PARD3B: variants seen among roughly 807,000 people sequenced by gnomAD.
PARD3B encodes the protein par-3 family cell polarity regulator beta, also known as partitioning defective 3 homolog B.
A neutral mutation model predicts 130.2 loss-of-function variants in PARD3B; 103 were observed. The observed-to-expected ratio is 0.79, with a 90% CI of 0.67 to 0.93. The LOEUF (loss-of-function observed/expected upper bound fraction) is 0.93. Among genes scored for constraint, PARD3B ranks in the 40% least tolerant of loss-of-function variants. PARD3B has a pLI of 0.00. For missense variants in PARD3B, 1,609 were observed against 1,499.2 expected (o/e 1.07, Z -1.21); for synonymous variants, 583 against 553.2 (o/e 1.05, Z -0.76).
At chr2:204,867,666 T>C (rs965641214) in intron 2 of PARD3B, among the ~76,000 whole-genome samples, 1 of 152,206 alleles carries the variant, frequency 6.6e-6, no homozygotes. Context: ...TGAAATTTGA[T>C]AACAGTAGTG....
chr2:205,466,422 C>T (rs1203078511), intron 20 of PARD3B, among the ~76,000 whole-genome samples: 4 of 152,106 alleles, frequency 2.6e-5, no homozygotes, highest in Non-Finnish European at 4.4e-5. Flanking sequence ...CTGCTGTCTG[C>T]ATTAGTGTCC....
chr2:204,711,390 A>G lies in PARD3B; in HGVS notation c.222+25108A>G, dbSNP rs970601149. ...TATATGTAAATTACATATTAAATGTATGAACAGATAATAAAGTTTTTCTAA... is the reference window on the plus strand; with the variant it reads ...TATATGTAAATTACATATTAAATGTGTGAACAGATAATAAAGTTTTTCTAA... On this transcript the variant is annotated intron_variant, in intron 2 of 22. Transcript: ENST00000406610. 4.7e-4 allele frequency among the ~76,000 whole-genome samples: 72 copies of G among 152,306 alleles called. 1 individual carries two copies. Among genetic ancestry groups the G allele is most frequent in the African/African-American group, 1.7e-3 (71 of 41,578 alleles).
In PARD3B at chr2:204,610,754, C is replaced by T. The variant is rs2033891753; in HGVS notation, c.120+64635C>T. Among the ~76,000 whole-genome samples, 1 of 152,184 alleles carries T rather than the reference C, an allele frequency of 6.6e-6. No individual in the cohort carries two copies. The highest frequency in any genetic ancestry group is 1.5e-5 in the Non-Finnish European group (1 of 68,034). Reference sequence around the variant, plus strand: ...AGAAGGAGAAACATCATCTCCCCACCTCTGAGCACCCTAAGAACAAATACA... The same window carrying T: ...AGAAGGAGAAACATCATCTCCCCACTTCTGAGCACCCTAAGAACAAATACA... On this transcript the variant is annotated intron_variant, in intron 1 of 22. Coordinates refer to ENST00000406610, the MANE Select transcript of PARD3B (RefSeq NM_001302769.2). This position sits in a 1 kb window ranked among gnomAD's most constrained non-coding sequence, Gnocchi z 4.1.
At chr2:205,296,506 G>C (rs371196495) in intron 16 of PARD3B, among the ~76,000 whole-genome samples, 1 of 152,070 alleles carries the variant, frequency 6.6e-6, no homozygotes, top group Non-Finnish European at 1.5e-5. Flanking sequence ...CTGGGGCAGC[G>C]GTTTCTCAGC....
intron 21 of PARD3B, among the ~76,000 whole-genome samples, chr2:205,541,347 GT>G (rs34760169): frequency 0.24 from 29,076 of 121,618 alleles, 2,475 homozygotes; most frequent in Admixed American, 0.37. Flanking sequence ...CAGAAACTTT[GT>G]TTTTTTTTTT....
intron 2 of PARD3B, among the ~76,000 whole-genome samples, chr2:204,949,279 A>G (rs1289734359): frequency 6.6e-6 from 1 of 151,878 alleles, no homozygotes; most frequent in Non-Finnish European, 1.5e-5. Flanking sequence ...CAGTTAAACC[A>G]GTATCTTTGT....
At chr2:204,845,663 C>A (rs1363714605) in intron 2 of PARD3B, among the ~76,000 whole-genome samples, 1 of 151,978 alleles carries the variant, frequency 6.6e-6, no homozygotes, top group Non-Finnish European at 1.5e-5. Context: ...ATTCTGAGAA[C>A]CTTACATAGG....
At chr2:205,163,301 A>G (rs564142550) in intron 11 of PARD3B, among the ~76,000 whole-genome samples, 6 of 152,340 alleles carry the variant, frequency 3.9e-5, no homozygotes, top group African/African-American at 1.2e-4. Flanking sequence ...GAGAGAATAC[A>G]TTTAAGACTA....
At chr2:204,621,214 A>T (rs1018775073) in intron 1 of PARD3B, among the ~76,000 whole-genome samples, 1 of 152,232 alleles carries the variant, frequency 6.6e-6, no homozygotes, top group South Asian at 2.1e-4. Context: ...TGAAAGCTGT[A>T]GGAAGGTATT....
At chr2:205,567,393 C>T (rs1255430164) in intron 22 of PARD3B, among the ~76,000 whole-genome samples, 1 of 138,486 alleles carries the variant, frequency 7.2e-6, no homozygotes, top group Non-Finnish European at 1.5e-5. Flanking sequence ...CGGCTCACTG[C>T]AAGCTCCGCC....
intron 18 of PARD3B, among the ~76,000 whole-genome samples, chr2:205,360,192 T>C (rs1213114198): frequency 6.6e-6 from 1 of 152,196 alleles, no homozygotes; most frequent in Non-Finnish European, 1.5e-5. Flanking sequence ...TGTTAATTCT[T>C]ATAGCATCTC....
chr2:204,996,787 G>A (rs1293277635), intron 3 of PARD3B, among the ~76,000 whole-genome samples: 4 of 148,498 alleles, frequency 2.7e-5, no homozygotes, highest in Non-Finnish European at 4.5e-5. Context: ...CTCGTGGTGC[G>A]CCGTTTTTTA....
chr2:204,584,303 C>T (rs547864974), intron 1 of PARD3B, among the ~76,000 whole-genome samples: 54 of 151,948 alleles, frequency 3.6e-4, no homozygotes, highest in African/African-American at 1.2e-3. Flanking sequence ...GGAATTTTTG[C>T]GGTAATTGAA....
chr2:205,119,872 A>T (rs1435701678), intron 7 of PARD3B, among the ~76,000 whole-genome samples: 1 of 152,174 alleles, frequency 6.6e-6, no homozygotes, highest in East Asian at 1.9e-4. Flanking sequence ...GTACCCAGGA[A>T]TTAGAGTGTA....
intron 21 of PARD3B, among the ~76,000 whole-genome samples, chr2:205,535,417 C>T (rs2051805137): frequency 6.6e-6 from 1 of 152,198 alleles, no homozygotes. Context: ...GAGATGTGTA[C>T]TAACAGCAGT....
chr2:204,883,433 A>T lies in PARD3B; in HGVS notation c.223-81719A>T, dbSNP rs12999935. Among the ~76,000 whole-genome samples the T allele has an allele frequency of 5.0e-3, 524 of 105,446 alleles. 3 individuals carry two copies. Among genetic ancestry groups the T allele is most frequent in the African/African-American group, 0.02 (472 of 23,088 alleles). 69.2% of individuals were successfully genotyped at this position (105,446 alleles called of 152,430 possible). A position where few individuals can be genotyped will look rare whatever the true frequency, so the allele number is the denominator to read the frequency against. Reference sequence around the variant, plus strand: ...TATATATATAATATATATATATATAAAATATATATATATATATATATATTT... The same window carrying T: ...TATATATATAATATATATATATATATAATATATATATATATATATATATTT... On this transcript the variant is annotated intron_variant, in intron 2 of 22. Transcript: ENST00000406610.
intron 4 of PARD3B, among the ~76,000 whole-genome samples, chr2:205,063,168 G>A (rs1700158755): frequency 6.6e-6 from 1 of 151,950 alleles, no homozygotes; most frequent in African/African-American, 2.4e-5. Flanking sequence ...TTTTATCACT[G>A]CAAACATTTA....
At chr2:204,559,276 T>A (rs187248917) in intron 1 of PARD3B, among the ~76,000 whole-genome samples, 66 of 152,062 alleles carry the variant, frequency 4.3e-4, no homozygotes, top group African/African-American at 1.6e-3. Flanking sequence ...TGGGAGAAAA[T>A]TTTTGAAATC....
chr2:205,377,551 C>G (rs1297466805), intron 18 of PARD3B, among the ~76,000 whole-genome samples: 1 of 151,898 alleles, frequency 6.6e-6, no homozygotes, highest in Non-Finnish European at 1.5e-5. Context: ...AGGGAGATCC[C>G]CAGCCCTATA....
Sources: gnomAD v4.1 joint callset for allele counts (sites outside exome capture counted in the v4.1 genomes callset) on GRCh38, gnomAD v4.1.1 for gene constraint, Gnocchi (gnomAD v3.1) non-coding constraint, MANE v1.5 for transcripts, NCBI Gene and HGNC (gene_info 2026-07-23, HGNC 2026-07-21) for gene names.